Variants in ERAP1 observed in about 807,000 individuals in gnomAD.
The protein encoded by ERAP1 is endoplasmic reticulum aminopeptidase 1.
In ERAP1, 86 loss-of-function variants were observed where a neutral mutation model predicts 103.7. That is an observed-to-expected ratio of 0.83 (90% CI 0.70 to 0.99). The LOEUF is 0.99. Among genes scored for constraint, ERAP1 ranks in the 50% least tolerant of loss-of-function variants. The pLI, the probability that ERAP1 is intolerant of heterozygous loss-of-function variation, is 0.00. For missense variants in ERAP1, 1,009 were observed against 1,128.4 expected, an observed-to-expected ratio of 0.89 and a Z score of 1.52; for synonymous variants, 398 against 402.4, an observed-to-expected ratio of 0.99 and a Z score of 0.13.
In ERAP1 at chr5:96,775,079, A is replaced by AGAT. The variant is rs1479030463; in HGVS notation, c.*1314_*1316dup. The AGAT allele has an allele frequency of 5.1e-6, 5 of 985,472 alleles. No homozygotes were observed. The African/African-American group carries it at 7.0e-5, about 14-fold the overall frequency. The allele number at this position is 985,472 out of a possible 1,614,324, so 61.0% of individuals were successfully genotyped here. ...TCAGCAACAGAGCACACTATGGGTT[A>AGAT]GATAAGTCCCTGTGTAGCAAGTTTT... On this transcript the variant is annotated 3_prime_UTR_variant, in exon 19 of 19. Coordinates refer to ENST00000443439, the MANE Select transcript of ERAP1 (RefSeq NM_001040458.3).
At chr5:96,884,747 G>A in the ERAP1 span, among the ~76,000 whole-genome samples, 2 of 151,654 alleles carry the variant, frequency 1.3e-5, no homozygotes, top group Non-Finnish European at 2.9e-5. Context: ...TTTCAGTAGA[G>A]ACGGGGTTTC....
chr5:96,790,427 GAGGGATTAACATAATGC>G (rs1253838473), intron 9 of ERAP1, 60 bp from the exon 10 acceptor site: 3 of 1,608,238 alleles, frequency 1.9e-6, no homozygotes, highest in African/African-American at 2.7e-5. Flanking sequence ...ATTCTCCTCA[GAGGGATTAACATAATGC>G]AGGGAAAACA....
chr5:96,857,733 A>G, the ERAP1 span, among the ~76,000 whole-genome samples: 1 of 152,242 alleles, frequency 6.6e-6, no homozygotes, highest in Non-Finnish European at 1.5e-5. Flanking sequence ...AGTTAGGGAT[A>G]GAACCATAGC....
rs1217530724 is a variant in ERAP1, at chr5:96,775,192, C to CTAT, written c.*1201_*1203dup. ...TTACCATGTTAGTAAACTGTGCTTT[C>CTAT]TATTATTATCATCTATACATAAAAC... On this transcript the variant is annotated 3_prime_UTR_variant, in exon 19 of 19. Coordinates refer to ENST00000443439, the MANE Select transcript of ERAP1 (RefSeq NM_001040458.3). 7 of 985,406 alleles carry CTAT rather than the reference C, an allele frequency of 7.1e-6. No homozygotes were observed. The highest frequency in any genetic ancestry group is 9.4e-5 in the South Asian group (2 of 21,290). The allele number at this position is 985,406 out of a possible 1,614,324, so 61.0% of individuals were successfully genotyped here.
chr5:96,856,365 T>TATATATATAGAGAG, the ERAP1 span, among the ~76,000 whole-genome samples: 55 of 20,354 alleles, frequency 2.7e-3, no homozygotes, highest in Non-Finnish European at 4.1e-3. Context: ...TATATATATA[T>TATATATATAGAGAG]AGAGAGAGAG....
the ERAP1 span, among the ~76,000 whole-genome samples, chr5:96,862,980 G>T: frequency 6.6e-6 from 1 of 152,046 alleles, no homozygotes; most frequent in African/African-American, 2.4e-5. Context: ...GGTTGAGCAG[G>T]GCATAACTGA....
At chr5:96,779,554 T>C (rs1316668249) in intron 18 of ERAP1, 2 of 152,204 alleles carry the variant, frequency 1.3e-5, no homozygotes, top group Admixed American at 6.5e-5. Context: ...AGCTAGAAAA[T>C]AGTGTAACCA....
At chr5:96,918,634 C>T in the ERAP1 span, 1 of 152,048 alleles carries the variant, frequency 6.6e-6, no homozygotes, top group Non-Finnish European at 1.5e-5. Context: ...TTGGTTTAAG[C>T]CTTACATTCA....
the ERAP1 span, among the ~76,000 whole-genome samples, chr5:96,924,083 G>T: frequency 4.6e-5 from 7 of 152,226 alleles, no homozygotes; most frequent in African/African-American, 7.2e-5. Flanking sequence ...GCACCTGGAA[G>T]TGAGGAAGAA....
chr5:96,794,556 A>G (rs987429132), intron 5 of ERAP1, among the ~76,000 whole-genome samples: 13 of 152,200 alleles, frequency 8.5e-5, no homozygotes, highest in Non-Finnish European at 1.9e-4. Flanking sequence ...AAACTAAACA[A>G]TTATAATAAT....
At chr5:96,842,790 C>T in the ERAP1 span, among the ~76,000 whole-genome samples, 3 of 152,034 alleles carry the variant, frequency 2.0e-5, no homozygotes, top group East Asian at 3.8e-4. Flanking sequence ...TAATTAGGTC[C>T]CATCTATTTA....
intron 19 of ERAP1, chr5:96,768,469 C>T (rs1770868533): frequency 2.2e-6 from 1 of 447,390 alleles, no homozygotes. Context: ...TATAATTCCA[C>T]TGCCCCCAAA....
the ERAP1 span, among the ~76,000 whole-genome samples, chr5:96,864,831 CTT>C: frequency 8.6e-5 from 13 of 151,360 alleles, no homozygotes; most frequent in South Asian, 2.1e-4. Context: ...TTCAAAGTGA[CTT>C]ATATATGTGT....
the ERAP1 span, among the ~76,000 whole-genome samples, chr5:96,853,863 A>AAT: frequency 6.5e-3 from 982 of 151,110 alleles, 9 homozygotes; most frequent in African/African-American, 0.022. Context: ...AAAAAAAAAA[A>AAT]GAAGCATGAG....
At chr5:96,822,852 T>G in the ERAP1 span, 1 of 287,982 alleles carries the variant, frequency 3.5e-6, no homozygotes, top group Non-Finnish European at 7.0e-6. Context: ...TCTGAGGGCC[T>G]TGAGTCCAGG....
Position 96,776,162 on chromosome 5 carries a change from C to T in ERAP1, c.*234G>A. The T allele has an allele frequency of 1.3e-6, 2 of 1,498,634 alleles. No homozygotes were observed. Among genetic ancestry groups the T allele is most frequent in the East Asian group, 2.6e-5 (1 of 38,196 alleles). The allele number at this position is 1,498,634 out of a possible 1,614,324, so 92.8% of individuals were successfully genotyped here. A position where few individuals can be genotyped will look rare whatever the true frequency, so the allele number is the denominator to read the frequency against. On this transcript the variant is annotated 3_prime_UTR_variant, in exon 19 of 19. Coordinates refer to ENST00000443439, the MANE Select transcript of ERAP1 (RefSeq NM_001040458.3). The stretch of plus-strand genomic sequence containing the variant: ...TACTTTATTCTTCTGTGGCAGGGAA[C>T]CCAACACTTGGGTTTACGTTGCAGG...
the ERAP1 span, among the ~76,000 whole-genome samples, chr5:96,868,888 C>T: frequency 2.0e-5 from 3 of 152,008 alleles, no homozygotes; most frequent in Non-Finnish European, 2.9e-5. Context: ...AATTCTCACC[C>T]CCAGTCCTCA....
chr5:96,792,204 G>GA lies in ERAP1; in HGVS notation c.1189-13dup. ...AAGAAATAATCTCCCTATTGAGATAGAAAAAAGAAAACATCACCTATGATT... is the reference window on the plus strand; with the variant it reads ...AAGAAATAATCTCCCTATTGAGATAGAAAAAAAGAAAACATCACCTATGATT... On this transcript the variant is annotated splice_polypyrimidine_tract_variant and intron_variant, in intron 7 of 18. Transcript: ENST00000443439. 6.2e-7 allele frequency: 1 copy of GA among 1,611,214 alleles called. No homozygotes were observed. The highest frequency in any genetic ancestry group is 8.5e-7 in the Non-Finnish European group (1 of 1,177,718).
At chr5:96,921,643 T>A in the ERAP1 span, among the ~76,000 whole-genome samples, 5 of 152,230 alleles carry the variant, frequency 3.3e-5, no homozygotes, top group African/African-American at 1.2e-4. Flanking sequence ...TTCTTCCAGA[T>A]GTCCTAATCC....
Sources: gnomAD v4.1 joint callset for allele counts (sites outside exome capture counted in the v4.1 genomes callset) on GRCh38, gnomAD v4.1.1 for gene constraint, MANE v1.5 for transcripts, NCBI Gene and HGNC (gene_info 2026-07-23, HGNC 2026-07-21) for gene names.